Variants in LZTFL1 observed in about 807,000 individuals in gnomAD.
LZTFL1 encodes leucine zipper transcription factor-like protein 1.
A neutral mutation model predicts 45.9 loss-of-function variants in LZTFL1; 25 were observed. The observed-to-expected ratio is 0.54, with a 90% CI of 0.40 to 0.76. LZTFL1 has a LOEUF of 0.76. Among genes scored for constraint, LZTFL1 ranks in the 30% least tolerant of loss-of-function variants. The probability of loss-of-function intolerance (pLI) is 0.00; values close to 1 mark genes in which losing one functional copy is unlikely to be tolerated. For missense variants in LZTFL1, 277 were observed against 331.1 expected, an observed-to-expected ratio of 0.84 and a Z score of 1.27; for synonymous variants, 93 against 117.4, an observed-to-expected ratio of 0.79 and a Z score of 1.35.
At chr3:45,834,036 C>T (rs1280341436) in intron 4 of LZTFL1, among the ~76,000 whole-genome samples, 1 of 152,184 alleles carries the variant, frequency 6.6e-6, no homozygotes, top group Non-Finnish European at 1.5e-5. Context: ...TAAGCCATCA[C>T]AGACAAAAGC....
At chr3:45,868,661 G>A (rs1384466643) in intron 2 of LZTFL1, among the ~76,000 whole-genome samples, 1 of 152,152 alleles carries the variant, frequency 6.6e-6, no homozygotes, top group Non-Finnish European at 1.5e-5. Context: ...GTGGTAGGGG[G>A]GGTAAACCCA....
exon 1 of LZTFL1, chr3:45,915,434 G>A (rs1042709688): frequency 4.5e-6 from 2 of 447,622 alleles, no homozygotes; most frequent in African/African-American, 2.0e-5. Flanking sequence ...GAAGACGGAC[G>A]TTTTGGCCTC....
At chr3:45,833,295 T>C (rs2125683322) in intron 4 of LZTFL1, among the ~76,000 whole-genome samples, 174 bp from the exon 5 acceptor site, 1 of 152,332 alleles carries the variant, frequency 6.6e-6, no homozygotes, top group South Asian at 2.1e-4. Context: ...TCCCAGTGCC[T>C]AGGATATGCC....
rs1700947218 is a variant in LZTFL1 at position 45,835,679 on chromosome 3, A to G, written c.234T>C (p.Tyr78=). 1 of 1,614,020 alleles carries G rather than the reference A, an allele frequency of 6.2e-7. No individual in the cohort carries two copies. Among genetic ancestry groups the G allele is most frequent in the Non-Finnish European group, 8.5e-7 (1 of 1,179,834 alleles). ...GCTGTCGCAGAAGTAACACATTGGT[A>G]TAGGCAGTGTTGATGAGCTCAGATT... is the stretch of plus-strand genomic sequence containing the variant. ...EVESELINTA[Y]TNVLLLRQLF... Residue 78 remains tyrosine (Y), a synonymous_variant, in exon 3 of 10, where the codon TAT becomes TAC. Transcript: ENST00000296135.
chr3:45,889,819 T>G (rs2125739725), intron 2 of LZTFL1, among the ~76,000 whole-genome samples: 1 of 152,200 alleles, frequency 6.6e-6, no homozygotes, highest in South Asian at 2.1e-4. Flanking sequence ...TTTATTGGAT[T>G]GATGTGTCAT....
chr3:45,896,892 A>T (rs1702373785), intron 2 of LZTFL1, among the ~76,000 whole-genome samples: 1 of 152,200 alleles, frequency 6.6e-6, no homozygotes, highest in Non-Finnish European at 1.5e-5. Context: ...CATTCCCCAG[A>T]GAGGGGCATC....
intron 2 of LZTFL1, among the ~76,000 whole-genome samples, chr3:45,912,332 C>A (rs551810609): frequency 3.9e-5 from 6 of 152,238 alleles, no homozygotes; most frequent in South Asian, 4.1e-4. Context: ...CAAAAATGGT[C>A]CCAATTCTCT....
At chr3:45,833,218 T>C (rs1210157707) in intron 4 of LZTFL1, 97 bp from the exon 5 acceptor site, 16 of 828,826 alleles carry the variant, frequency 1.9e-5, no homozygotes, top group Non-Finnish European at 3.3e-5. Context: ...ATACTATATA[T>C]AAACATATTC....
At chr3:45,832,759 C>A in intron 5 of LZTFL1, 1 of 223,670 alleles carries the variant, frequency 4.5e-6, no homozygotes. Context: ...ACTTAAAAAC[C>A]CTTCTCCTTG....
At chr3:45,915,560 C>A (rs1433278073) in exon 1 of LZTFL1, 7 of 455,968 alleles carry the variant, frequency 1.5e-5, no homozygotes, top group South Asian at 1.1e-4. Flanking sequence ...GACCCACAGG[C>A]CCGAAGACAG....
intron 2 of LZTFL1, among the ~76,000 whole-genome samples, chr3:45,878,308 G>A (rs1417123448): frequency 2.0e-5 from 3 of 152,194 alleles, no homozygotes; most frequent in Admixed American, 6.5e-5. Flanking sequence ...ACCTTTTGAT[G>A]TGATTGTTTT....
chr3:45,901,031 C>T lies in LZTFL1; in HGVS notation c.-215+12089G>A, dbSNP rs200629129. On this transcript the variant is annotated intron_variant, in intron 2 of 4. Coordinates refer to the LZTFL1 transcript ENST00000472635. This position sits in a 1 kb window ranked among gnomAD's most constrained non-coding sequence, Gnocchi z 4.3. The stretch of plus-strand genomic sequence containing the variant: ...ACTGGTACTGCACAAGAGTGAAGAC[C>T]ATGACCGACATGTTCCTTTTGAATT... 26 of 1,614,080 alleles carry T rather than the reference C, an allele frequency of 1.6e-5. No individual in the cohort carries two copies. Among genetic ancestry groups the T allele is most frequent in the Non-Finnish European group, 2.2e-5 (26 of 1,180,040 alleles).
At chr3:45,913,222 TTACTA>T in intron 1 of LZTFL1, 2 of 1,370,190 alleles carry the variant, frequency 1.5e-6, no homozygotes, top group Non-Finnish European at 2.0e-6. Flanking sequence ...GCTACTATTG[TTACTA>T]TTAACAAACC....
At chr3:45,844,121 T>C (rs992609326), upstream of LZTFL1, among the ~76,000 whole-genome samples, 10 of 152,214 alleles carry the variant, frequency 6.6e-5, no homozygotes, top group Non-Finnish European at 1.3e-4. Flanking sequence ...TATGACTTTA[T>C]AAGTTCCCAG....
chr3:45,910,266 C>T (rs939091051), intron 2 of LZTFL1, among the ~76,000 whole-genome samples: 9 of 151,918 alleles, frequency 5.9e-5, no homozygotes, highest in Non-Finnish European at 7.4e-5. Context: ...GTTGGAGTGA[C>T]GGTGGTGGTT....
chr3:45,906,283 G>A (rs1702677099), intron 2 of LZTFL1, among the ~76,000 whole-genome samples: 1 of 152,150 alleles, frequency 6.6e-6, no homozygotes, highest in South Asian at 2.1e-4. Context: ...CTGCATGCCA[G>A]GGGCCCCATG....
Position 45,824,756 on chromosome 3 carries a change from A to G in LZTFL1, c.*1558T>C, listed in dbSNP as rs957686529. The G allele has an allele frequency of 1.0e-5, 4 of 398,020 alleles. No homozygotes were observed. The highest frequency in any genetic ancestry group is 1.3e-5 in the Non-Finnish European group (3 of 225,724). 24.7% of individuals were successfully genotyped at this position (398,020 alleles called of 1,614,324 possible). A position where few individuals can be genotyped will look rare whatever the true frequency, so the allele number is the denominator to read the frequency against. On this transcript the variant is annotated 3_prime_UTR_variant, in exon 10 of 10. Coordinates refer to ENST00000296135, the MANE Select transcript of LZTFL1 (RefSeq NM_020347.4). ...AATTACATAGAACATCTTGGTCCAC[A>G]GACAATGGAATGGATTTTTGGAGAG...
chr3:45,835,816 A>G, intron 2 of LZTFL1, 32 bp from the exon 3 acceptor site: 1 of 1,505,546 alleles, frequency 6.6e-7, no homozygotes, highest in Non-Finnish European at 9.0e-7. Flanking sequence ...AAACTTATAG[A>G]AAAACAACAA....
Position 45,878,143 on chromosome 3 carries a change from T to A in LZTFL1, c.-214-19127A>T, listed in dbSNP as rs7628090. ...AAGATTAAATTAAGCTAATTAGTATTTTCCTCACCTCACCTACTCATTTTT... is the reference window on the plus strand; with the variant it reads ...AAGATTAAATTAAGCTAATTAGTATATTCCTCACCTCACCTACTCATTTTT... On this transcript the variant is annotated intron_variant, in intron 2 of 4. Transcript: ENST00000472635. Among the ~76,000 whole-genome samples the A allele has an allele frequency of 4.7e-3, 712 of 152,350 alleles. 4 individuals are homozygous for A. Among genetic ancestry groups the A allele is most frequent in the African/African-American group, 0.016 (655 of 41,580 alleles).
Sources: allele counts gnomAD v4.1 joint callset (sites outside exome capture counted in the v4.1 genomes callset), GRCh38; gene constraint gnomAD v4.1.1; non-coding constraint Gnocchi (gnomAD v3.1); transcripts MANE v1.5; gene names NCBI Gene and HGNC (gene_info 2026-07-23, HGNC 2026-07-21).